SSUH2: variants seen among roughly 807,000 people sequenced by gnomAD.
SSUH2 encodes protein SSUH2 homolog.
A neutral mutation model predicts 55.3 loss-of-function variants in SSUH2; 47 were observed. The observed-to-expected ratio is 0.85, with a 90% CI of 0.67 to 1.08. The LOEUF (loss-of-function observed/expected upper bound fraction) is 1.08, where lower values mean the gene tolerates loss of function less well. Among genes scored for constraint, SSUH2 ranks in the 50% least tolerant of loss-of-function variants. The pLI, the probability that SSUH2 is intolerant of heterozygous loss-of-function variation, is 0.00. For missense variants in SSUH2, 535 were observed against 490.7 expected, an observed-to-expected ratio of 1.09 and a Z score of -0.85; for synonymous variants, 212 against 191.5, an observed-to-expected ratio of 1.11 and a Z score of -0.89.
At chr3:8,678,876 G>T (rs1425677356) in intron 2 of SSUH2, among the ~76,000 whole-genome samples, 2 of 110,380 alleles carry the variant, frequency 1.8e-5, no homozygotes, top group African/African-American at 6.4e-5. Context: ...CTGGCTCTTA[G>T]GATCCCCATT....
At chr3:8,660,010 C>T (rs1025714331) in intron 6 of SSUH2, among the ~76,000 whole-genome samples, 9 of 152,192 alleles carry the variant, frequency 5.9e-5, no homozygotes, top group Non-Finnish European at 1.2e-4. Flanking sequence ...TTTGACCTAA[C>T]GTTCTTCCCA....
chr3:8,667,825 T>G (rs975723225), intron 5 of SSUH2, among the ~76,000 whole-genome samples: 2 of 152,070 alleles, frequency 1.3e-5, no homozygotes, highest in Non-Finnish European at 1.5e-5. Flanking sequence ...ACTTTGGTGA[T>G]CCCAAGGACT....
chr3:8,642,854 C>A (rs1701085915), intron 1 of SSUH2, among the ~76,000 whole-genome samples: 1 of 152,132 alleles, frequency 6.6e-6, no homozygotes, highest in Non-Finnish European at 1.5e-5. Context: ...AAAAAATCTA[C>A]CTGGTTTCTG....
intron 11 of SSUH2, 77 bp downstream of exon 11, chr3:8,623,472 C>CAGGAA: frequency 1.1e-6 from 1 of 917,532 alleles, no homozygotes; most frequent in East Asian, 2.6e-5. Flanking sequence ...TCCTTCCGCT[C>CAGGAA]CGACGTTCTC....
upstream of SSUH2, among the ~76,000 whole-genome samples, chr3:8,648,752 G>A (rs1214612849): frequency 6.6e-6 from 1 of 152,052 alleles, no homozygotes; most frequent in Non-Finnish European, 1.5e-5. Context: ...ACACAGGTGG[G>A]GAAATGATTA....
chr3:8,639,911 C>T (rs760889843), intron 1 of SSUH2: 4 of 958,124 alleles, frequency 4.2e-6, no homozygotes, highest in Non-Finnish European at 5.0e-6. Flanking sequence ...GGGAATCCAA[C>T]AGGCACACGT....
rs1450309055 is a variant in SSUH2 at position 8,678,812 on chromosome 3, G to A, written c.-901+893C>T. The stretch of plus-strand genomic sequence containing the variant: ...ACTTAGGACCCCATCGCAGGGAGAG[G>A]AGGCGGCACTCCCCACGAGGCGGGG... On this transcript the variant is annotated intron_variant, in intron 2 of 18. Transcript: ENST00000317371. Among the ~76,000 whole-genome samples, 2 of 112,944 alleles carry A rather than the reference G, an allele frequency of 1.8e-5. 1 individual carries two copies. The highest frequency in any genetic ancestry group is 4.1e-5 in the Non-Finnish European group (2 of 49,332). The allele number at this position is 112,944 out of a possible 152,430, so 74.1% of individuals were successfully genotyped here. A position where few individuals can be genotyped will look rare whatever the true frequency, so the allele number is the denominator to read the frequency against.
At chr3:8,623,729 T>TAGAGCC (rs539091759) in intron 10 of SSUH2, 73 bp from the exon 11 acceptor site, 33 of 752,592 alleles carry the variant, frequency 4.4e-5, no homozygotes, top group South Asian at 2.6e-4. Context: ...TGGGGCTGAC[T>TAGAGCC]AGAGCCAGAG....
At chr3:8,638,796 G>C (rs553032256) in intron 1 of SSUH2, among the ~76,000 whole-genome samples, 2 of 152,280 alleles carry the variant, frequency 1.3e-5, no homozygotes, top group African/African-American at 4.8e-5. Flanking sequence ...AAAATATCAA[G>C]CATAGAAAGA....
chr3:8,629,790 A>G, intron 6 of SSUH2, 64 bp from the exon 7 acceptor site: 2 of 1,496,168 alleles, frequency 1.3e-6, no homozygotes, highest in Non-Finnish European at 1.9e-6. Flanking sequence ...CACCCATAAC[A>G]TCACCATCTA....
chr3:8,634,928 C>A (rs138002583), intron 3 of SSUH2, among the ~76,000 whole-genome samples: 6 of 152,324 alleles, frequency 3.9e-5, no homozygotes, highest in African/African-American at 1.4e-4. Flanking sequence ...TCGTAGCCCA[C>A]ATAGTCTCTG....
intron 3 of SSUH2, among the ~76,000 whole-genome samples, chr3:8,677,042 C>T (rs1337037504): frequency 6.8e-6 from 1 of 146,574 alleles, no homozygotes; most frequent in Non-Finnish European, 1.5e-5. Context: ...AGGAACCCCC[C>T]AGGAGGCGGG....
At chr3:8,657,839 C>T (rs1398181974) in intron 7 of SSUH2, among the ~76,000 whole-genome samples, 1 of 152,248 alleles carries the variant, frequency 6.6e-6, no homozygotes, top group Admixed American at 6.5e-5. Context: ...GGCATGGCGC[C>T]ACCCTCGCTC....
Position 8,667,238 on chromosome 3 carries a change from G to A in SSUH2, c.-454-3436C>T, listed in dbSNP as rs1411462586. On this transcript the variant is annotated intron_variant, in intron 5 of 18. Transcript: ENST00000317371. ...ATGAGTTTTGCAGGAAAGGGGTAGT[G>A]TATTCCTGGAACTGAGGGTTCCTCC... is the stretch of plus-strand genomic sequence containing the variant. 2.6e-5 allele frequency among the ~76,000 whole-genome samples: 4 copies of A among 152,202 alleles called. No homozygotes were observed. In the South Asian group the frequency reaches 6.2e-4, roughly 24 times the overall value.
At chr3:8,635,682 CT>C in intron 2 of SSUH2, 76 bp downstream of exon 2, 35 of 1,350,544 alleles carry the variant, frequency 2.6e-5, no homozygotes, top group South Asian at 4.3e-5. Context: ...TCAGCACCAC[CT>C]TTTTCCCGAG....
chr3:8,647,217 G>A (rs1482293329), upstream of SSUH2, among the ~76,000 whole-genome samples: 1 of 152,224 alleles, frequency 6.6e-6, no homozygotes, highest in Non-Finnish European at 1.5e-5. Flanking sequence ...AGTGTTTAAA[G>A]GGGCATGTGG....
chr3:8,639,952 A>G, intron 1 of SSUH2: 5 of 985,314 alleles, frequency 5.1e-6, no homozygotes, highest in Non-Finnish European at 6.0e-6. Flanking sequence ...ACCTACCACG[A>G]TGGGTGTATT....
chr3:8,634,920 G>A (rs530825705), intron 3 of SSUH2, among the ~76,000 whole-genome samples: 4 of 152,152 alleles, frequency 2.6e-5, no homozygotes, highest in Admixed American at 6.5e-5. Context: ...TTGAGGTTTC[G>A]TAGCCCACAT....
chr3:8,639,643 T>C (rs991688893), intron 1 of SSUH2, among the ~76,000 whole-genome samples: 5 of 152,224 alleles, frequency 3.3e-5, no homozygotes, highest in Non-Finnish European at 4.4e-5. Flanking sequence ...GCATTATTAA[T>C]GGGTAACCCC....
Sources: allele counts gnomAD v4.1 joint callset (sites outside exome capture counted in the v4.1 genomes callset), GRCh38; gene constraint gnomAD v4.1.1; transcripts MANE v1.5; gene names NCBI Gene and HGNC (gene_info 2026-07-23, HGNC 2026-07-21).